TSHR: variants seen among roughly 807,000 people sequenced by gnomAD.
The protein encoded by TSHR is thyroid stimulating hormone receptor, also known as thyrotropin receptor.
A neutral mutation model predicts 64.1 loss-of-function variants in TSHR; 51 were observed. The ratio of observed to expected loss-of-function variants is 0.80; its 90% confidence interval spans 0.64 to 1.01. TSHR has a LOEUF of 1.01. Ranked by LOEUF, TSHR falls within the 50% of genes least tolerant of loss-of-function variation. The probability of loss-of-function intolerance (pLI) is 0.00; values close to 1 mark genes in which losing one functional copy is unlikely to be tolerated. For synonymous variants in TSHR, 361 were observed against 361.9 expected (o/e 1.00, Z 0.03); for missense variants, 877 against 942.8 (o/e 0.93, Z 0.91).
At chr14:81,115,382 T>C (rs1890451543) in intron 8 of TSHR, among the ~76,000 whole-genome samples, 1 of 145,124 alleles carries the variant, frequency 6.9e-6, no homozygotes, top group Admixed American at 6.7e-5. Flanking sequence ...ACATGAAGAA[T>C]GCAGAAGCCT....
chr14:81,073,578 A>G (rs376450655), intron 3 of TSHR, among the ~76,000 whole-genome samples: 3 of 152,290 alleles, frequency 2.0e-5, no homozygotes, highest in South Asian at 4.1e-4. Context: ...CTAATTAACC[A>G]TAGGATTAAG....
intron 1 of TSHR, chr14:81,001,552 G>A (rs1330866613): frequency 3.8e-6 from 2 of 525,146 alleles, no homozygotes; most frequent in East Asian, 5.3e-5. Flanking sequence ...CTCATTTTGG[G>A]CCACCAACCC....
chr14:81,098,352 T>G (rs1202572208), intron 7 of TSHR, among the ~76,000 whole-genome samples: 1 of 152,252 alleles, frequency 6.6e-6, no homozygotes, highest in African/African-American at 2.4e-5. Context: ...GTTTTTTAAA[T>G]CATTATTAAA....
intron 1 of TSHR, chr14:80,982,387 G>A (rs1465097088): frequency 1.2e-5 from 15 of 1,258,542 alleles, no homozygotes; most frequent in South Asian, 9.5e-5. Flanking sequence ...TAATCATTCC[G>A]GTGCTAAGAA....
At chr14:81,019,333 C>CAAAAAA (rs3038181) in intron 1 of TSHR, among the ~76,000 whole-genome samples, 9 of 115,784 alleles carry the variant, frequency 7.8e-5, no homozygotes, top group African/African-American at 2.6e-4. Context: ...GACTTTATCT[C>CAAAAAA]AAAAAAAAAA....
At chr14:80,958,990 G>A (rs1465670582) in intron 1 of TSHR, among the ~76,000 whole-genome samples, 2 of 152,136 alleles carry the variant, frequency 1.3e-5, no homozygotes, top group South Asian at 2.1e-4. Flanking sequence ...TGATGGTGCC[G>A]AGAACAACTC....
intron 8 of TSHR, among the ~76,000 whole-genome samples, chr14:81,122,550 A>C (rs1314666388): frequency 6.6e-6 from 1 of 152,194 alleles, no homozygotes; most frequent in Non-Finnish European, 1.5e-5. Flanking sequence ...ATATGTCACA[A>C]AACTATTTCA....
chr14:81,109,105 A>G (rs1336165579), intron 8 of TSHR, among the ~76,000 whole-genome samples: 2 of 152,126 alleles, frequency 1.3e-5, no homozygotes, highest in Non-Finnish European at 2.9e-5. Context: ...CATCCACTCT[A>G]GTCCTTGCCA....
intron 7 of TSHR, among the ~76,000 whole-genome samples, chr14:81,099,139 A>G (rs1889405539): frequency 6.6e-6 from 1 of 152,172 alleles, no homozygotes; most frequent in South Asian, 2.1e-4. Context: ...TGGGGATTTA[A>G]AACTCTCTCC....
At chr14:81,008,317 C>T (rs986859741) in intron 1 of TSHR, among the ~76,000 whole-genome samples, 10 of 151,970 alleles carry the variant, frequency 6.6e-5, no homozygotes, top group African/African-American at 2.2e-4. Flanking sequence ...GGACTACAGG[C>T]GCCCCCCACC....
At chr14:81,037,853 T>C (rs529258233) in intron 1 of TSHR, among the ~76,000 whole-genome samples, 16 of 151,238 alleles carry the variant, frequency 1.1e-4, no homozygotes, top group Non-Finnish European at 1.6e-4. Context: ...TAAAGAGTGA[T>C]ACAGACTGCA....
At chr14:80,973,526 A>G (rs1429677964) in intron 1 of TSHR, among the ~76,000 whole-genome samples, 2 of 151,510 alleles carry the variant, frequency 1.3e-5, no homozygotes, top group Non-Finnish European at 2.9e-5. Flanking sequence ...GGCTGTTTCT[A>G]GCCAGTTGGC....
chr14:81,080,590 C>T (rs974765397), intron 3 of TSHR, among the ~76,000 whole-genome samples: 4 of 152,092 alleles, frequency 2.6e-5, no homozygotes, highest in East Asian at 1.9e-4. Context: ...TTTAATTTCT[C>T]AATACATTAA....
At chr14:81,027,317 C>A (rs1315593878) in intron 1 of TSHR, among the ~76,000 whole-genome samples, 1 of 151,668 alleles carries the variant, frequency 6.6e-6, no homozygotes, top group Non-Finnish European at 1.5e-5. Flanking sequence ...AAAGTTATAT[C>A]AAAAAACTCC....
chr14:81,132,527 G>A (rs1316763874), intron 8 of TSHR, among the ~76,000 whole-genome samples: 1 of 151,978 alleles, frequency 6.6e-6, no homozygotes, highest in African/African-American at 2.4e-5. Context: ...ATATAATACT[G>A]CAGGACTCAC....
chr14:81,084,452 T>A (rs1031804807), intron 3 of TSHR, among the ~76,000 whole-genome samples: 2 of 152,234 alleles, frequency 1.3e-5, no homozygotes, highest in Admixed American at 1.3e-4. Flanking sequence ...GAGTACTCTA[T>A]ATTTTTGGAA....
intron 2 of TSHR, among the ~76,000 whole-genome samples, chr14:81,065,687 C>T (rs1295676374): frequency 6.6e-6 from 1 of 152,058 alleles, no homozygotes; most frequent in Admixed American, 6.5e-5. Flanking sequence ...ACTGTGAGTT[C>T]CTTGAAGGTA....
chr14:81,068,195 G>C, intron 2 of TSHR, 59 bp from the exon 3 acceptor site: 1 of 1,521,782 alleles, frequency 6.6e-7, no homozygotes, highest in South Asian at 1.1e-5. Context: ...AAAATAGTAT[G>C]TTTGAAGTTT....
chr14:81,140,842 G>A (rs1462371701), intron 9 of TSHR, among the ~76,000 whole-genome samples: 2 of 152,084 alleles, frequency 1.3e-5, no homozygotes, highest in Admixed American at 6.5e-5. Flanking sequence ...TATGGTGGCC[G>A]GGCACAGTGG....
Sources: gnomAD v4.1 joint callset for allele counts (sites outside exome capture counted in the v4.1 genomes callset) on GRCh38, gnomAD v4.1.1 for gene constraint, MANE v1.5 for transcripts, NCBI Gene and HGNC (gene_info 2026-07-23, HGNC 2026-07-21) for gene names.